The following CADM1 variants were observed in gnomAD, a reference collection of about 807,000 sequenced individuals.
The protein encoded by CADM1 is cell adhesion molecule 1, also known as TSLC-1.
CADM1 carries 15 observed loss-of-function variants against 53.1 expected under a neutral mutation model. That is an observed-to-expected ratio of 0.28 (90% confidence interval 0.19 to 0.44). CADM1 has a LOEUF of 0.44. CADM1 is among the 20% of genes least tolerant of loss of function. CADM1 has a pLI of 1.00. For missense variants in CADM1, 434 were observed against 611.3 expected (o/e 0.71, Z 3.06); for synonymous variants, 281 against 243.0 (o/e 1.16, Z -1.45).
chr11:115,359,598 T>C (rs1945974731), intron 1 of CADM1, among the ~76,000 whole-genome samples: 1 of 152,186 alleles, frequency 6.6e-6, no homozygotes, highest in Non-Finnish European at 1.5e-5. Flanking sequence ...AAATTGAATA[T>C]GTCTTATATT....
At chr11:115,431,286 C>T (rs1245645339) in intron 1 of CADM1, among the ~76,000 whole-genome samples, 1 of 152,066 alleles carries the variant, frequency 6.6e-6, no homozygotes, top group Non-Finnish European at 1.5e-5. Context: ...TTCTTCTTAA[C>T]GGCCCATACC....
rs1454725849 is a variant in CADM1 at position 115,503,548 on chromosome 11, G to A, written c.124+723C>T. On this transcript the variant is annotated intron_variant, in intron 1 of 11. Transcript: ENST00000331581. ...GCTCCCGGCGCCTTCCCGCAGAGGC[G>A]GCGACAGCGGCCGCCCCCCCCGCGG... is the stretch of plus-strand genomic sequence containing the variant. Among the ~76,000 whole-genome samples the A allele has an allele frequency of 3.9e-5, 6 of 152,106 alleles. No individual in the cohort carries two copies. The South Asian group carries it at 6.2e-4, about 16-fold the overall frequency.
intron 3 of CADM1, among the ~76,000 whole-genome samples, chr11:115,235,685 G>C (rs1941986589): frequency 6.6e-6 from 1 of 152,160 alleles, no homozygotes; most frequent in Non-Finnish European, 1.5e-5. Context: ...GAGTCTTAAA[G>C]CTGATCCAGT....
chr11:115,317,420 C>A (rs933045148), intron 1 of CADM1, among the ~76,000 whole-genome samples: 1 of 152,144 alleles, frequency 6.6e-6, no homozygotes, highest in Non-Finnish European at 1.5e-5. Flanking sequence ...CACGAAGGAA[C>A]ATTTATCACA....
chr11:115,502,696 G>A (rs556223737), intron 1 of CADM1, among the ~76,000 whole-genome samples: 1 of 152,158 alleles, frequency 6.6e-6, no homozygotes, highest in East Asian at 1.9e-4. Flanking sequence ...TTCCCAAGCC[G>A]AGCTCCTTTG....
chr11:115,312,661 T>C (rs1465949562), intron 1 of CADM1, among the ~76,000 whole-genome samples: 1 of 152,096 alleles, frequency 6.6e-6, no homozygotes, highest in Non-Finnish European at 1.5e-5. Flanking sequence ...TTACCAAAAA[T>C]AAAACTCCAG....
chr11:115,382,612 TGG>T (rs1470212465), intron 1 of CADM1, among the ~76,000 whole-genome samples: 1 of 152,168 alleles, frequency 6.6e-6, no homozygotes, highest in East Asian at 1.9e-4. Context: ...CCTTGTATAG[TGG>T]CATGTTAGAG....
intron 1 of CADM1, among the ~76,000 whole-genome samples, chr11:115,268,307 A>G (rs1433120777): frequency 6.6e-6 from 1 of 152,208 alleles, no homozygotes; most frequent in African/African-American, 2.4e-5. Flanking sequence ...GTACTAAAGT[A>G]TTTGCAGACT....
intron 1 of CADM1, chr11:115,363,583 T>C (rs960921338): frequency 1.3e-5 from 2 of 152,152 alleles, no homozygotes; most frequent in African/African-American, 4.8e-5. Context: ...AAAAGCACAA[T>C]TGAGAAGGCT....
chr11:115,342,819 C>T (rs765666401), intron 1 of CADM1, among the ~76,000 whole-genome samples: 1 of 151,988 alleles, frequency 6.6e-6, no homozygotes, highest in Non-Finnish European at 1.5e-5. Context: ...AAATGTTCAA[C>T]CTTATATAAC....
intron 1 of CADM1, among the ~76,000 whole-genome samples, chr11:115,352,182 TAA>T (rs1945755027): frequency 6.6e-6 from 1 of 152,194 alleles, no homozygotes; most frequent in African/African-American, 2.4e-5. Context: ...ATAAATCTAC[TAA>T]AGGGAATTCA....
At chr11:115,254,567 C>T (rs1478940039) in intron 1 of CADM1, among the ~76,000 whole-genome samples, 2 of 147,680 alleles carry the variant, frequency 1.4e-5, no homozygotes, top group Non-Finnish European at 3.0e-5. Flanking sequence ...CACACACACA[C>T]ACACACACAC....
At position 115,465,666 on chromosome 11, in the gene CADM1, C is replaced by T. The variant is rs562308121; in HGVS notation, c.124+38605G>A. ...GCAGGTTAGGTTACTTGCACAAAGT[C>T]GCACAGTCGATATCAGAAAAAGACA... On this transcript the variant is annotated intron_variant, in intron 1 of 11. Transcript: ENST00000331581. Among the ~76,000 whole-genome samples, 46 of 152,226 alleles carry T rather than the reference C, an allele frequency of 3.0e-4. 1 individual carries two copies. Among genetic ancestry groups the T allele is most frequent in the Non-Finnish European group, 5.9e-4 (40 of 67,988 alleles).
chr11:115,269,862 G>A lies in CADM1; in HGVS notation c.125-29442C>T, dbSNP rs12287200. Among the ~76,000 whole-genome samples the A allele has an allele frequency of 2.9e-3, 435 of 152,274 alleles. 4 individuals are homozygous for A. Among genetic ancestry groups the A allele is most frequent in the African/African-American group, 1.0e-2 (414 of 41,558 alleles). ...CAAGAAGGAAAGCTACGTCCCTCTG[G>A]ATTTGATGAGGCTTTTAAGAACAAC... On this transcript the variant is annotated intron_variant, in intron 1 of 11. Coordinates refer to ENST00000331581, the MANE Select transcript of CADM1 (RefSeq NM_001301043.2).
chr11:115,421,766 C>T (rs1353089255), intron 1 of CADM1, among the ~76,000 whole-genome samples: 2 of 152,188 alleles, frequency 1.3e-5, no homozygotes, highest in African/African-American at 4.8e-5. Flanking sequence ...CTCTCAAGCA[C>T]AGTTCACTCA....
chr11:115,367,505 AAAT>A (rs1400676474), intron 1 of CADM1, among the ~76,000 whole-genome samples: 3 of 152,178 alleles, frequency 2.0e-5, no homozygotes, highest in African/African-American at 7.2e-5. Flanking sequence ...CTAATTATTA[AAAT>A]AATGCATATT....
At chr11:115,274,323 A>G (rs1291282990) in intron 1 of CADM1, among the ~76,000 whole-genome samples, 1 of 152,262 alleles carries the variant, frequency 6.6e-6, no homozygotes, top group East Asian at 1.9e-4. Flanking sequence ...CACGAGCACC[A>G]GGCTCTGCCC....
chr11:115,397,403 A>G (rs183395), intron 1 of CADM1: 52,277 of 151,950 alleles, frequency 0.34, 9,818 homozygotes, highest in Non-Finnish European at 0.43. Flanking sequence ...AAAATGAACA[A>G]CTTCCAAGGA....
chr11:115,340,607 T>A (rs1184289937), intron 1 of CADM1, among the ~76,000 whole-genome samples: 19 of 116,536 alleles, frequency 1.6e-4, no homozygotes, highest in Non-Finnish European at 2.7e-4. Context: ...CAGAGTGGAG[T>A]CACACAACAT....
Sources: gnomAD v4.1 joint callset for allele counts (sites outside exome capture counted in the v4.1 genomes callset) on GRCh38, gnomAD v4.1.1 for gene constraint, MANE v1.5 for transcripts, NCBI Gene and HGNC (gene_info 2026-07-23, HGNC 2026-07-21) for gene names.